Variants in ADAMTS2 observed in about 807,000 individuals in gnomAD.
ADAMTS2 encodes the protein A disintegrin and metalloproteinase with thrombospondin motifs 2.
ADAMTS2 carries 50 observed loss-of-function variants against 123.0 expected under a neutral mutation model. The observed-to-expected ratio is 0.41, with a 90% confidence interval of 0.32 to 0.51. ADAMTS2 has a LOEUF of 0.51. Ranked by LOEUF, ADAMTS2 falls within the 20% of genes least tolerant of loss-of-function variation. The pLI is 0.35. For missense variants in ADAMTS2, 1,494 were observed against 1,705.2 expected (o/e 0.88, Z 2.18); for synonymous variants, 678 against 695.4 (o/e 0.98, Z 0.39).
chr5:179,243,692 A>C (rs1250449065), intron 3 of ADAMTS2, among the ~76,000 whole-genome samples: 1 of 152,242 alleles, frequency 6.6e-6, no homozygotes, highest in Non-Finnish European at 1.5e-5. Context: ...TGCTGGTAAG[A>C]AAGCCCAGAT....
At chr5:179,324,393 C>CTTT (rs35845418) in intron 2 of ADAMTS2, among the ~76,000 whole-genome samples, 4,889 of 142,022 alleles carry the variant, frequency 0.034, 289 homozygotes, top group African/African-American at 0.11. Context: ...TTATTTTTCT[C>CTTT]TTTTTTTTTT....
In ADAMTS2 at chr5:179,124,869, G is replaced by T. The variant is rs370073752; in HGVS notation, c.2958+104C>A. 46 of 1,599,156 alleles carry T rather than the reference G, an allele frequency of 2.9e-5. No homozygotes were observed. In the African/African-American group the frequency reaches 3.0e-4, roughly 10 times the overall value. The stretch of plus-strand genomic sequence containing the variant: ...GCAGTGCTTGGCATGCACGGAGCGG[G>T]TGGTGGTGTTGTGTAGCGGCTGAAT... On this transcript the variant is annotated intron_variant, in intron 19 of 21. Coordinates refer to ENST00000251582, the MANE Select transcript of ADAMTS2 (RefSeq NM_014244.5).
intron 12 of ADAMTS2, 92 bp downstream of exon 12, chr5:179,137,677 G>A: frequency 3.3e-6 from 5 of 1,498,282 alleles, no homozygotes; most frequent in Non-Finnish European, 4.5e-6. Context: ...CGGCAGCCTT[G>A]CCCCATGCAG....
In ADAMTS2 at chr5:179,245,796, CAAAAAAA is replaced by C. The variant is rs796076369; in HGVS notation, c.688+27108_688+27114del. Among the ~76,000 whole-genome samples, 109 of 73,804 alleles carry C rather than the reference CAAAAAAA, an allele frequency of 1.5e-3. 2 individuals carry two copies. The highest frequency in any genetic ancestry group is 5.2e-3 in the African/African-American group (105 of 20,076). 48.4% of individuals were successfully genotyped at this position (73,804 alleles called of 152,430 possible). The stretch of plus-strand genomic sequence containing the variant: ...AAAAAAAAAAAAAAAAAAAAAAAAA[CAAAAAAA>C]ACAAAGATGGGGGTGGAAGAATAGA... On this transcript the variant is annotated intron_variant, in intron 3 of 21. Coordinates refer to ENST00000251582, the MANE Select transcript of ADAMTS2 (RefSeq NM_014244.5).
Position 179,155,804 on chromosome 5 carries a change from G to C in ADAMTS2, c.1133-885C>G, listed in dbSNP as rs1474203486. On this transcript the variant is annotated intron_variant, in intron 6 of 21. Coordinates refer to ENST00000251582, the MANE Select transcript of ADAMTS2 (RefSeq NM_014244.5). This position sits in a 1 kb window ranked among gnomAD's most constrained non-coding sequence, Gnocchi z 5.1. The stretch of plus-strand genomic sequence containing the variant: ...TCTTCCTAGAGGCCTGCCAAGCATG[G>C]AGCCCTGACTTTCAGAACCCCAACC... Among the ~76,000 whole-genome samples, 2 of 152,018 alleles carry C rather than the reference G, an allele frequency of 1.3e-5. No individual in the cohort carries two copies. Among genetic ancestry groups the C allele is most frequent in the African/African-American group, 4.8e-5 (2 of 41,398 alleles).
At chr5:179,190,327 T>C (rs1369393967) in intron 4 of ADAMTS2, among the ~76,000 whole-genome samples, 1 of 151,924 alleles carries the variant, frequency 6.6e-6, no homozygotes, top group Non-Finnish European at 1.5e-5. Flanking sequence ...TGAAGGAAGA[T>C]TTTGGGGTAA....
chr5:179,210,781 CCAA>C (rs1764832005), intron 3 of ADAMTS2, among the ~76,000 whole-genome samples: 1 of 152,244 alleles, frequency 6.6e-6, no homozygotes, highest in African/African-American at 2.4e-5. Context: ...CTCCTCTGTC[CCAA>C]CAAGACCCGG....
chr5:179,235,301 T>G (rs113960013), intron 3 of ADAMTS2, among the ~76,000 whole-genome samples: 5,130 of 152,298 alleles, frequency 0.034, 132 homozygotes, highest in South Asian at 0.079. Flanking sequence ...TCATGAAGGT[T>G]TGGCACAATG....
intron 2 of ADAMTS2, among the ~76,000 whole-genome samples, chr5:179,322,597 G>A (rs941441559): frequency 2.0e-5 from 3 of 152,204 alleles, no homozygotes; most frequent in East Asian, 1.9e-4. Context: ...ACTTGTCAAG[G>A]CTGCGCCAGC....
At chr5:179,134,702 G>C (rs73806910) in intron 13 of ADAMTS2, among the ~76,000 whole-genome samples, 1 of 151,818 alleles carries the variant, frequency 6.6e-6, no homozygotes, top group African/African-American at 2.4e-5. Flanking sequence ...AGCAAATGCA[G>C]AGCAGCCCTC....
intron 3 of ADAMTS2, among the ~76,000 whole-genome samples, chr5:179,237,948 A>G (rs1765567639): frequency 6.6e-6 from 1 of 152,202 alleles, no homozygotes; most frequent in Non-Finnish European, 1.5e-5. Flanking sequence ...GTGGCTCCTG[A>G]GAACGGCGGT....
intron 5 of ADAMTS2, among the ~76,000 whole-genome samples, chr5:179,169,000 G>C (rs1323304520): frequency 6.6e-6 from 1 of 152,212 alleles, no homozygotes; most frequent in African/African-American, 2.4e-5. Context: ...GCCAGAACAG[G>C]ATTCTCAACT....
chr5:179,214,508 A>C (rs764051797), intron 3 of ADAMTS2, among the ~76,000 whole-genome samples: 1 of 150,864 alleles, frequency 6.6e-6, no homozygotes, highest in African/African-American at 2.4e-5. Context: ...ATCCACAAGG[A>C]ACAGATACTC....
intron 2 of ADAMTS2, among the ~76,000 whole-genome samples, chr5:179,335,050 C>T (rs758430313): frequency 1.3e-5 from 2 of 151,910 alleles, no homozygotes; most frequent in Non-Finnish European, 1.5e-5. Flanking sequence ...TTTTTCTACC[C>T]GACAAAACAA....
chr5:179,118,313 A>G lies in ADAMTS2; in HGVS notation c.3178+3348T>C, dbSNP rs1762698810. Among the ~76,000 whole-genome samples the G allele has an allele frequency of 6.6e-6, 1 of 152,178 alleles. No individual in the cohort carries two copies. The highest frequency in any genetic ancestry group is 2.1e-4 in the South Asian group (1 of 4,816). On this transcript the variant is annotated intron_variant, in intron 21 of 21. Transcript: ENST00000251582. The surrounding 1 kb of genome is among the most constrained non-coding windows in gnomAD (Gnocchi z 4.5). ...ACATTTTTAAGTATCATCACGGACC[A>G]CAGAGAAGAGTGATGCACCTGAGGT...
rs993507748 is a variant in ADAMTS2, at chr5:179,127,154, A to T, written c.2617+805T>A. 2.6e-5 allele frequency among the ~76,000 whole-genome samples: 4 copies of T among 152,172 alleles called. No individual in the cohort carries two copies. In the East Asian group the frequency reaches 7.7e-4, roughly 29 times the overall value. ...GGACACACAAGGGCCAGTCCAGAGG[A>T]AGGTGGGTGCCAGGACCGGGGAATG... On this transcript the variant is annotated intron_variant, in intron 17 of 21. Transcript: ENST00000251582.
chr5:179,141,844 C>G (rs1226777196), intron 10 of ADAMTS2, among the ~76,000 whole-genome samples: 2 of 152,230 alleles, frequency 1.3e-5, no homozygotes, highest in Non-Finnish European at 2.9e-5. Flanking sequence ...CCAGGCCCCA[C>G]TCATAGGGCA....
intron 2 of ADAMTS2, among the ~76,000 whole-genome samples, chr5:179,336,996 C>T (rs990249922): frequency 2.0e-5 from 3 of 152,236 alleles, no homozygotes; most frequent in Non-Finnish European, 4.4e-5. Flanking sequence ...CCCCACTCTG[C>T]AGCCCTGGAG....
chr5:179,230,684 G>A (rs531953879), intron 3 of ADAMTS2, among the ~76,000 whole-genome samples: 1 of 152,256 alleles, frequency 6.6e-6, no homozygotes, highest in South Asian at 2.1e-4. Flanking sequence ...CACCATTCAT[G>A]TACTGTCAGG....
Sources: gnomAD v4.1 joint callset for allele counts (sites outside exome capture counted in the v4.1 genomes callset) on GRCh38, gnomAD v4.1.1 for gene constraint, Gnocchi (gnomAD v3.1) non-coding constraint, MANE v1.5 for transcripts, NCBI Gene and HGNC (gene_info 2026-07-23, HGNC 2026-07-21) for gene names.